Variants in TBCD observed in about 807,000 individuals in gnomAD.
The protein encoded by TBCD is tubulin folding cofactor D.
In TBCD, 105 loss-of-function variants were observed where a neutral mutation model predicts 169.3. The observed-to-expected ratio is 0.62, with a 90% CI of 0.53 to 0.73. The LOEUF (loss-of-function observed/expected upper bound fraction) is 0.73, where lower values mean the gene tolerates loss of function less well. Ranked by LOEUF, TBCD falls within the 30% of genes least tolerant of loss-of-function variation. The pLI is 0.00. For missense variants in TBCD, 1,444 were observed against 1,600.1 expected, an observed-to-expected ratio of 0.90 and a Z score of 1.66; for synonymous variants, 700 against 643.9, an observed-to-expected ratio of 1.09 and a Z score of -1.32.
chr17:82,830,988 C>T, intron 13 of TBCD: 1 of 1,613,802 alleles, frequency 6.2e-7, no homozygotes, highest in Non-Finnish European at 8.5e-7. Flanking sequence ...GAAACATTCC[C>T]TTGGAGGTTT....
rs1197543685 is a variant in TBCD, at chr17:82,893,643, A to C, written c.1649+11A>C. ...TTTCCTGGTTATAAGGTAAGTCTTT[A>C]ATGTATATCACAAAAATAGAATACT... On this transcript the variant is annotated intron_variant, in intron 17 of 38. Coordinates refer to ENST00000355528, the MANE Select transcript of TBCD (RefSeq NM_005993.5). 6.4e-7 allele frequency: 1 copy of C among 1,567,104 alleles called. No individual in the cohort carries two copies. Among genetic ancestry groups the C allele is most frequent in the Non-Finnish European group, 8.7e-7 (1 of 1,150,916 alleles).
At chr17:82,927,861 C>A in intron 29 of TBCD, 44 bp from the exon 30 acceptor site, 1 of 1,568,572 alleles carries the variant, frequency 6.4e-7, no homozygotes, top group Non-Finnish European at 8.8e-7. Context: ...GGGTTGGAAC[C>A]CCCCTCTCAA....
chr17:82,891,277 G>A (rs1432835600), intron 16 of TBCD, among the ~76,000 whole-genome samples: 2 of 152,208 alleles, frequency 1.3e-5, no homozygotes, highest in Non-Finnish European at 2.9e-5. Flanking sequence ...GAAAGGAAAG[G>A]CCTTTACACT....
intron 34 of TBCD, among the ~76,000 whole-genome samples, chr17:82,935,901 G>A (rs2062581312): frequency 6.6e-6 from 1 of 152,260 alleles, no homozygotes; most frequent in African/African-American, 2.4e-5. Context: ...ATTTCCTCGA[G>A]TGGGGTCTGC....
At position 82,932,690 on chromosome 17, in the gene TBCD, A is replaced by G; in HGVS notation, c.3146A>G (p.His1049Arg). The G allele has an allele frequency of 6.2e-7, 1 of 1,613,830 alleles. No individual in the cohort carries two copies. The highest frequency in any genetic ancestry group is 8.5e-7 in the Non-Finnish European group (1 of 1,179,884). Reference sequence around the variant, plus strand: ...GTGCCGCTGCTGAAGACGCTGGACCACGTGCTCACCCACGGCTGCTTCGAC... The same window carrying G: ...GTGCCGCTGCTGAAGACGCTGGACCGCGTGCTCACCCACGGCTGCTTCGAC... ...VSVPLLKTLD[H>R]VLTHGCFDIF... The change falls in exon 34 of 39, where the codon CAC becomes CGC. Residue 1049 changes from histidine to arginine, a missense_variant. His to Arg is a conservative substitution (Grantham distance 29). Coordinates refer to ENST00000355528, the MANE Select transcript of TBCD (RefSeq NM_005993.5).
At chr17:82,810,470 G>C (rs971494926) in intron 12 of TBCD, among the ~76,000 whole-genome samples, 109 of 152,332 alleles carry the variant, frequency 7.2e-4, no homozygotes, top group African/African-American at 2.5e-3. Flanking sequence ...AGACAGCCAC[G>C]TGTGCTGTGC....
In TBCD at chr17:82,923,515, G is replaced by A. The variant is rs1361719772; in HGVS notation, c.2179-137G>A. ...ACCCGCTGGGTCCCTGGTCAGGCAGGGGCTGCTCTGACCTCAGGGTGACCA... is the reference window on the plus strand; with the variant it reads ...ACCCGCTGGGTCCCTGGTCAGGCAGAGGCTGCTCTGACCTCAGGGTGACCA... On this transcript the variant is annotated intron_variant, in intron 25 of 38. Transcript: ENST00000355528. The surrounding 1 kb of genome is among the most constrained non-coding windows in gnomAD (Gnocchi z 4.6). The A allele has an allele frequency of 2.8e-6, 2 of 703,506 alleles. No homozygotes were observed. Among genetic ancestry groups the A allele is most frequent in the Non-Finnish European group, 4.8e-6 (2 of 414,588 alleles). 43.6% of individuals were successfully genotyped at this position (703,506 alleles called of 1,614,324 possible). A position where few individuals can be genotyped will look rare whatever the true frequency, so the allele number is the denominator to read the frequency against.
At chr17:82,905,458 C>T (rs936450339) in intron 19 of TBCD, among the ~76,000 whole-genome samples, 12 of 152,236 alleles carry the variant, frequency 7.9e-5, no homozygotes, top group African/African-American at 2.9e-4. Context: ...TGGGCGGGTG[C>T]GTGTGGGCGT....
intron 2 of TBCD, among the ~76,000 whole-genome samples, chr17:82,760,166 G>A (rs926758964): frequency 3.9e-5 from 6 of 152,284 alleles, no homozygotes; most frequent in African/African-American, 1.4e-4. Context: ...GAGCCACCAC[G>A]CCTGGCCTGG....
Position 82,911,625 on chromosome 17 carries a change from A to G in TBCD, c.2007-133A>G, listed in dbSNP as rs80136795. ...CCTTTCTTTTCATAAAAGGTTGCTCATGCTCAGTAACACATTCAACTAGTT... is the reference window on the plus strand; with the variant it reads ...CCTTTCTTTTCATAAAAGGTTGCTCGTGCTCAGTAACACATTCAACTAGTT... On this transcript the variant is annotated intron_variant, in intron 22 of 38. Transcript: ENST00000355528. 2.1e-3 allele frequency: 1,803 copies of G among 857,172 alleles called. 23 individuals are homozygous for G. In the African/African-American group the frequency reaches 0.027, roughly 13 times the overall value. 53.1% of individuals were successfully genotyped at this position (857,172 alleles called of 1,614,324 possible). A position where few individuals can be genotyped will look rare whatever the true frequency, so the allele number is the denominator to read the frequency against.
At chr17:82,847,702 A>G (rs1014587173) in intron 13 of TBCD, among the ~76,000 whole-genome samples, 8 of 152,112 alleles carry the variant, frequency 5.3e-5, no homozygotes, top group African/African-American at 1.9e-4. Context: ...CAGTAGTGCG[A>G]TCTCCGCCTC....
chr17:82,911,913 C>A (rs1274139643), intron 23 of TBCD, 124 bp downstream of exon 23: 4 of 945,480 alleles, frequency 4.2e-6, no homozygotes, highest in Non-Finnish European at 6.6e-6. Context: ...TGTGTTTCTT[C>A]TGTGGAGGCG....
At chr17:82,771,489 A>G (rs187092720) in intron 5 of TBCD, among the ~76,000 whole-genome samples, 3 of 151,390 alleles carry the variant, frequency 2.0e-5, no homozygotes, top group African/African-American at 7.3e-5. Flanking sequence ...TCTAATCTCA[A>G]CTCACTGCAG....
In TBCD at chr17:82,930,409, C is replaced by G. The variant is rs2062100915; in HGVS notation, c.2992-113C>G. ...CGCTTGGGGCCAGACCTTCGCGTCT[C>G]TGCAGCTCGGAGCAGTTCTGCTCTT... On this transcript the variant is annotated intron_variant, in intron 32 of 38. Coordinates refer to ENST00000355528, the MANE Select transcript of TBCD (RefSeq NM_005993.5). This position sits in a 1 kb window ranked among gnomAD's most constrained non-coding sequence, Gnocchi z 5.2. 14 of 1,451,318 alleles carry G rather than the reference C, an allele frequency of 9.6e-6. No homozygotes were observed. The highest frequency in any genetic ancestry group is 4.9e-4 in the Middle Eastern group (2 of 4,076). The allele number at this position is 1,451,318 out of a possible 1,614,324, so 89.9% of individuals were successfully genotyped here. A position where few individuals can be genotyped will look rare whatever the true frequency, so the allele number is the denominator to read the frequency against.
chr17:82,923,833 C>G lies in TBCD; in HGVS notation c.2260+100C>G. ...AGGAGGCCTCGGTTGTGCAGTGGAGCAGAGCCACCACGATCATGGCTGGAG... is the reference window on the plus strand; with the variant it reads ...AGGAGGCCTCGGTTGTGCAGTGGAGGAGAGCCACCACGATCATGGCTGGAG... On this transcript the variant is annotated intron_variant, in intron 26 of 38. Transcript: ENST00000355528. This position sits in a 1 kb window ranked among gnomAD's most constrained non-coding sequence, Gnocchi z 4.6. 1 of 931,124 alleles carries G rather than the reference C, an allele frequency of 1.1e-6. No homozygotes were observed. Among genetic ancestry groups the G allele is most frequent in the East Asian group, 2.7e-5 (1 of 37,390 alleles). 57.7% of individuals were successfully genotyped at this position (931,124 alleles called of 1,614,324 possible). A position where few individuals can be genotyped will look rare whatever the true frequency, so the allele number is the denominator to read the frequency against.
At chr17:82,780,019 T>G (rs2048842305) in intron 6 of TBCD, among the ~76,000 whole-genome samples, 2 of 152,122 alleles carry the variant, frequency 1.3e-5, no homozygotes, top group Non-Finnish European at 2.9e-5. Flanking sequence ...AAGGTGTGGC[T>G]AGGATGCCAG....
At chr17:82,828,781 C>G (rs908330984) in intron 13 of TBCD, among the ~76,000 whole-genome samples, 17 of 151,384 alleles carry the variant, frequency 1.1e-4, no homozygotes, top group African/African-American at 4.1e-4. Flanking sequence ...AGATGTGCAC[C>G]CCCACACAGA....
intron 13 of TBCD, among the ~76,000 whole-genome samples, chr17:82,826,322 A>G (rs996725486): frequency 6.6e-6 from 1 of 152,074 alleles, no homozygotes; most frequent in African/African-American, 2.4e-5. Flanking sequence ...ATGAGTACAG[A>G]GTTGACCAAA....
At position 82,889,584 on chromosome 17, in the gene TBCD, G is replaced by T. The variant is rs544430528; in HGVS notation, c.1534-84G>T. The T allele has an allele frequency of 2.4e-5, 37 of 1,543,622 alleles. 1 individual carries two copies. In the Admixed American group the frequency reaches 4.8e-4, roughly 20 times the overall value. The stretch of plus-strand genomic sequence containing the variant: ...AAAAATAAAGCCGTGGGTCATTCAC[G>T]TTGTGCTGTTTGTTCTGAACTTGCC... On this transcript the variant is annotated intron_variant, in intron 15 of 38. Coordinates refer to ENST00000355528, the MANE Select transcript of TBCD (RefSeq NM_005993.5). The surrounding 1 kb of genome is among the most constrained non-coding windows in gnomAD (Gnocchi z 5.3).
Sources: allele counts gnomAD v4.1 joint callset (sites outside exome capture counted in the v4.1 genomes callset), GRCh38; gene constraint gnomAD v4.1.1; non-coding constraint Gnocchi (gnomAD v3.1); transcripts MANE v1.5; gene names NCBI Gene and HGNC (gene_info 2026-07-23, HGNC 2026-07-21).